The following ZBTB8OS variants were observed in gnomAD, a reference collection of about 807,000 sequenced individuals.
ZBTB8OS encodes tRNA splicing ligase complex subunit 1.
In ZBTB8OS, 16 loss-of-function variants were observed where a neutral mutation model predicts 29.3. That is an observed-to-expected ratio of 0.55 (90% CI 0.37 to 0.83). The LOEUF (loss-of-function observed/expected upper bound fraction) is 0.83. ZBTB8OS is among the 40% of genes least tolerant of loss of function. The pLI is 0.00. For missense variants in ZBTB8OS, 160 were observed against 196.9 expected, an observed-to-expected ratio of 0.81 and a Z score of 1.12; for synonymous variants, 70 against 64.6, an observed-to-expected ratio of 1.08 and a Z score of -0.40.
At chr1:32,644,411 G>A (rs1249332697) in intron 1 of ZBTB8OS, among the ~76,000 whole-genome samples, 9 of 152,044 alleles carry the variant, frequency 5.9e-5, no homozygotes, top group East Asian at 1.9e-4. Context: ...AGGTGATTAA[G>A]GGAAAAGGGA....
intron 6 of ZBTB8OS, among the ~76,000 whole-genome samples, chr1:32,625,752 A>G (rs1203579523): frequency 1.3e-5 from 2 of 152,214 alleles, no homozygotes; most frequent in Non-Finnish European, 2.9e-5. Flanking sequence ...TTTGCTCACA[A>G]TCCATTCTGA....
intron 1 of ZBTB8OS, among the ~76,000 whole-genome samples, chr1:32,639,341 G>A (rs1251584955): frequency 6.6e-6 from 1 of 151,788 alleles, no homozygotes; most frequent in Non-Finnish European, 1.5e-5. Flanking sequence ...TCCCTATGTT[G>A]CCCAGGCTGG....
chr1:32,641,635 C>A (rs1460503095), intron 1 of ZBTB8OS, among the ~76,000 whole-genome samples: 1 of 144,150 alleles, frequency 6.9e-6, no homozygotes, highest in Non-Finnish European at 1.5e-5. Context: ...TTATACAGGC[C>A]GGGCACGGTG....
chr1:32,643,812 C>CTT (rs58965191), intron 1 of ZBTB8OS, among the ~76,000 whole-genome samples: 34 of 148,492 alleles, frequency 2.3e-4, no homozygotes, highest in South Asian at 8.5e-4. Flanking sequence ...ATTTTTTTTA[C>CTT]TTTTTTTTTT....
chr1:32,639,161 G>A (rs1028536251), intron 1 of ZBTB8OS, among the ~76,000 whole-genome samples: 3 of 151,794 alleles, frequency 2.0e-5, no homozygotes, highest in African/African-American at 2.4e-5. Context: ...AGCCCGGTGT[G>A]GTAGCATGTG....
In ZBTB8OS at chr1:32,627,548, G is replaced by C; in HGVS notation, c.381-4C>G. 1 of 1,612,702 alleles carries C rather than the reference G, an allele frequency of 6.2e-7. No individual in the cohort carries two copies. Among genetic ancestry groups the C allele is most frequent in the Non-Finnish European group, 8.5e-7 (1 of 1,178,866 alleles). On this transcript the variant is annotated splice_polypyrimidine_tract_variant and splice_region_variant and intron_variant, in intron 5 of 6. Transcript: ENST00000468695. The stretch of plus-strand genomic sequence containing the variant: ...CAATGAAAATTCTTCTCCCCACCTT[G>C]AGAATACAAATTAAAACATGATTAA...
intron 6 of ZBTB8OS, among the ~76,000 whole-genome samples, chr1:32,627,238 G>T (rs944822363): frequency 7.9e-5 from 12 of 152,128 alleles, no homozygotes; most frequent in Non-Finnish European, 1.6e-4. Flanking sequence ...TATAGGAGAA[G>T]AAATAAAGGT....
At chr1:32,646,228 AG>A (rs1646815958) in intron 1 of ZBTB8OS, among the ~76,000 whole-genome samples, 2 of 151,836 alleles carry the variant, frequency 1.3e-5, no homozygotes, top group Admixed American at 6.6e-5. Context: ...CTGAGGTTGG[AG>A]GATCACTTGA....
chr1:32,621,941 T>C lies in ZBTB8OS; in HGVS notation c.425A>G (p.Glu142Gly), dbSNP rs1644778955. The change falls in exon 7 of 7, where the codon GAA becomes GGA. Residue 142 changes from glutamate (E) to glycine (G), a missense_variant. Physicochemically the swap from Glu to Gly is moderately conservative, Grantham distance 98. Coordinates refer to ENST00000468695, the MANE Select transcript of ZBTB8OS (RefSeq NM_178547.5). ...FSLSKHPQGT[E>G]VKAITYSAMQ... ...TGCTGAATATGTTATTGCTTTGACT[T>C]CTGTTCCCTAAAGTTGGGGTTAGAG... The C allele has an allele frequency of 1.3e-6, 2 of 1,571,084 alleles. No homozygotes were observed. Among genetic ancestry groups the C allele is most frequent in the Admixed American group, 2.1e-5 (1 of 47,624 alleles).
chr1:32,639,517 G>A (rs1463718271), intron 1 of ZBTB8OS, among the ~76,000 whole-genome samples: 1 of 152,002 alleles, frequency 6.6e-6, no homozygotes, highest in African/African-American at 2.4e-5. Flanking sequence ...CCCAGCAACT[G>A]AAGAGGCTGA....
chr1:32,646,453 T>G (rs993349286), intron 1 of ZBTB8OS, among the ~76,000 whole-genome samples: 2 of 151,706 alleles, frequency 1.3e-5, no homozygotes. Flanking sequence ...AGTGGTGCAA[T>G]CTCGGCTCAC....
At chr1:32,627,141 G>A (rs1645186583) in intron 6 of ZBTB8OS, among the ~76,000 whole-genome samples, 1 of 152,124 alleles carries the variant, frequency 6.6e-6, no homozygotes, top group Non-Finnish European at 1.5e-5. Context: ...ACCATAGAGT[G>A]AGGCCATACA....
At chr1:32,640,567 T>C (rs1646317357) in intron 1 of ZBTB8OS, among the ~76,000 whole-genome samples, 1 of 152,152 alleles carries the variant, frequency 6.6e-6, no homozygotes, top group African/African-American at 2.4e-5. Context: ...CAGGCTGAAG[T>C]GCAGTGGCAC....
intron 1 of ZBTB8OS, among the ~76,000 whole-genome samples, chr1:32,637,585 A>T (rs563522219): frequency 6.6e-6 from 1 of 152,110 alleles, no homozygotes; most frequent in South Asian, 2.1e-4. Flanking sequence ...AAAAGAATCT[A>T]AACTGTGTGG....
intron 4 of ZBTB8OS, chr1:32,632,400 T>C (rs1475081167): frequency 1.3e-5 from 2 of 152,108 alleles, no homozygotes; most frequent in East Asian, 3.9e-4. Flanking sequence ...AAATGAGATA[T>C]ATATGTATGC....
intron 1 of ZBTB8OS, among the ~76,000 whole-genome samples, chr1:32,643,661 A>T (rs1444771606): frequency 2.6e-5 from 4 of 151,164 alleles, no homozygotes; most frequent in Non-Finnish European, 5.9e-5. Flanking sequence ...ACACTGGGCT[A>T]ATTTTTTGTA....
chr1:32,640,156 G>A (rs918859023), intron 1 of ZBTB8OS: 1 of 152,042 alleles, frequency 6.6e-6, no homozygotes, highest in African/African-American at 2.4e-5. Context: ...GAGTGCAGTG[G>A]TGCAATATCA....
At chr1:32,632,579 T>C (rs1407998902) in intron 4 of ZBTB8OS, among the ~76,000 whole-genome samples, 1 of 152,130 alleles carries the variant, frequency 6.6e-6, no homozygotes, top group Non-Finnish European at 1.5e-5. Flanking sequence ...TGCGCCCAGA[T>C]AATTATTGTT....
intron 6 of ZBTB8OS, among the ~76,000 whole-genome samples, chr1:32,624,094 T>C (rs1644935587): frequency 6.6e-6 from 1 of 152,172 alleles, no homozygotes; most frequent in Admixed American, 6.5e-5. Context: ...CCCTCCACCA[T>C]GATTGTAAGT....
Sources: allele counts gnomAD v4.1 joint callset (sites outside exome capture counted in the v4.1 genomes callset), GRCh38; gene constraint gnomAD v4.1.1; transcripts MANE v1.5; gene names NCBI Gene and HGNC (gene_info 2026-07-23, HGNC 2026-07-21).